CACNB4: variants seen among roughly 807,000 people sequenced by gnomAD.
CACNB4 encodes the protein calcium voltage-gated channel auxiliary subunit beta 4, also known as voltage-dependent L-type calcium channel subunit beta-4.
CACNB4 carries 32 observed loss-of-function variants against 71.2 expected under a neutral mutation model. The ratio of observed to expected loss-of-function variants is 0.45; its 90% CI spans 0.34 to 0.60. CACNB4 has a LOEUF of 0.60. Among genes scored for constraint, CACNB4 ranks in the 20% least tolerant of loss-of-function variants. The probability of loss-of-function intolerance (pLI) is 0.01; values close to 1 mark genes in which losing one functional copy is unlikely to be tolerated. For missense variants in CACNB4, 464 were observed against 647.9 expected (o/e 0.72, Z 3.08); for synonymous variants, 231 against 236.9 (o/e 0.97, Z 0.23).
chr2:152,015,726 T>C (rs1430623039), intron 2 of CACNB4, among the ~76,000 whole-genome samples: 2 of 152,222 alleles, frequency 1.3e-5, no homozygotes, highest in Admixed American at 6.5e-5. Flanking sequence ...AGAGCGAAGA[T>C]GACAGAGAGA....
intron 2 of CACNB4, among the ~76,000 whole-genome samples, chr2:152,057,561 C>T (rs185298964): frequency 6.6e-6 from 1 of 152,218 alleles, no homozygotes; most frequent in African/African-American, 2.4e-5. Flanking sequence ...AACTGAATAC[C>T]GGACATTTAG....
intron 2 of CACNB4, among the ~76,000 whole-genome samples, chr2:152,080,905 C>T (rs1687326384): frequency 6.6e-6 from 1 of 152,032 alleles, no homozygotes; most frequent in African/African-American, 2.4e-5. Flanking sequence ...CCCAATCTCG[C>T]CATGTGATAT....
intron 2 of CACNB4, among the ~76,000 whole-genome samples, chr2:151,884,357 C>T (rs570388963): frequency 1.4e-3 from 216 of 150,254 alleles, no homozygotes; most frequent in African/African-American, 5.1e-3. Flanking sequence ...GGCGCAGTGG[C>T]TCACGCCTGT....
intron 2 of CACNB4, among the ~76,000 whole-genome samples, chr2:151,900,263 A>G (rs2099853046): frequency 6.6e-6 from 1 of 152,228 alleles, no homozygotes; most frequent in African/African-American, 2.4e-5. Flanking sequence ...GAAACAAGGC[A>G]GTTCAGTGCT....
intron 2 of CACNB4, among the ~76,000 whole-genome samples, chr2:152,007,586 T>C (rs987343629): frequency 6.6e-6 from 1 of 152,238 alleles, no homozygotes; most frequent in Non-Finnish European, 1.5e-5. Flanking sequence ...TTCTGTTGTA[T>C]GTGTATCCTA....
chr2:151,930,126 G>C (rs2099861275), intron 2 of CACNB4, among the ~76,000 whole-genome samples: 1 of 152,084 alleles, frequency 6.6e-6, no homozygotes, highest in South Asian at 2.1e-4. Flanking sequence ...TACAGTAATT[G>C]AAACAGTTTA....
intron 2 of CACNB4, among the ~76,000 whole-genome samples, chr2:151,915,804 G>A (rs190781061): frequency 2.4e-4 from 35 of 147,290 alleles, no homozygotes; most frequent in South Asian, 2.1e-4. Flanking sequence ...CTGAGATTGC[G>A]CCATAGCACT....
intron 2 of CACNB4, among the ~76,000 whole-genome samples, chr2:151,920,314 TC>T (rs2099858658): frequency 9.8e-6 from 1 of 102,034 alleles, no homozygotes; most frequent in African/African-American, 3.8e-5. Flanking sequence ...TTCTTCTTCT[TC>T]TTCTTTTTTT....
chr2:152,003,832 T>TA (rs113971846), intron 2 of CACNB4, among the ~76,000 whole-genome samples: 3,724 of 144,272 alleles, frequency 0.026, 132 homozygotes, highest in African/African-American at 0.086. Context: ...GAGAAATTAA[T>TA]AAAAAAAAAA....
At chr2:151,904,945 T>C (rs1421229176) in intron 2 of CACNB4, among the ~76,000 whole-genome samples, 2 of 152,202 alleles carry the variant, frequency 1.3e-5, no homozygotes, top group Non-Finnish European at 2.9e-5. Flanking sequence ...CTATGCACTA[T>C]TGGGCAGTGA....
At chr2:151,917,322 A>G (rs1039322928) in intron 2 of CACNB4, among the ~76,000 whole-genome samples, 1 of 152,208 alleles carries the variant, frequency 6.6e-6, no homozygotes, top group South Asian at 2.1e-4. Context: ...TAATCCCTAT[A>G]TAAGACAGGT....
At chr2:152,005,233 G>A (rs991234471) in intron 2 of CACNB4, among the ~76,000 whole-genome samples, 5 of 152,156 alleles carry the variant, frequency 3.3e-5, no homozygotes, top group Admixed American at 6.5e-5. Flanking sequence ...TATGTTCATC[G>A]CAGTACTATT....
chr2:151,999,219 G>T lies in CACNB4; in HGVS notation c.147+99111C>A, dbSNP rs536329264. 3.3e-5 allele frequency among the ~76,000 whole-genome samples: 5 copies of T among 152,112 alleles called. No individual in the cohort carries two copies. In the East Asian group the frequency reaches 9.7e-4, roughly 29 times the overall value. ...CTTCTTCCCAGCTCCAGCCCAGAAC[G>T]GTGCTCCCCTTGGACAGTTCATGTC... On this transcript the variant is annotated intron_variant, in intron 2 of 13. Coordinates refer to ENST00000539935, the MANE Select transcript of CACNB4 (RefSeq NM_000726.5).
At chr2:152,008,173 G>C (rs10930880) in intron 2 of CACNB4, among the ~76,000 whole-genome samples, 150,017 of 152,186 alleles carry the variant, frequency 0.99, 73,992 homozygotes, top group Middle Eastern at 1. Flanking sequence ...TTCTCCACAT[G>C]CTTTCTAACA....
At position 152,098,731 on chromosome 2, in the gene CACNB4, G is replaced by T; in HGVS notation, c.63+218C>A. On this transcript the variant is annotated intron_variant, in intron 1 of 13. Transcript: ENST00000539935. The surrounding 1 kb of genome is among the most constrained non-coding windows in gnomAD (Gnocchi z 5.3). The stretch of plus-strand genomic sequence containing the variant: ...GCGGGCTCCGGAGCGGGAGCGCAGA[G>T]ACCCGAAGGAGGGTGAGGAGGAGGA... 1.9e-6 allele frequency: 3 copies of T among 1,543,960 alleles called. No homozygotes were observed. Among genetic ancestry groups the T allele is most frequent in the Non-Finnish European group, 2.6e-6 (3 of 1,141,568 alleles).
At chr2:152,025,347 G>A (rs538842245) in intron 2 of CACNB4, among the ~76,000 whole-genome samples, 7 of 152,200 alleles carry the variant, frequency 4.6e-5, no homozygotes, top group Non-Finnish European at 8.8e-5. Context: ...GGCGAGAGCT[G>A]GGGAACGGTG....
chr2:151,905,428 GACA>G (rs2099854544), intron 2 of CACNB4, among the ~76,000 whole-genome samples: 1 of 152,290 alleles, frequency 6.6e-6, no homozygotes, highest in South Asian at 2.1e-4. Flanking sequence ...TGCAGCAGAA[GACA>G]ACGATTCATA....
rs141674783 is a variant in CACNB4, at chr2:151,890,043, T to C, written c.148-6673A>G. 4.3e-3 allele frequency among the ~76,000 whole-genome samples: 649 copies of C among 152,340 alleles called. 2 individuals are homozygous for C. The highest frequency in any genetic ancestry group is 5.6e-3 in the Non-Finnish European group (382 of 68,042). On this transcript the variant is annotated intron_variant, in intron 2 of 13. Coordinates refer to ENST00000539935, the MANE Select transcript of CACNB4 (RefSeq NM_000726.5). ...TTTTTTGTTTTGTTTTGTTCTTTTTTTAATTACAGTCTTCAATGCCTTAAT... is the reference window on the plus strand; with the variant it reads ...TTTTTTGTTTTGTTTTGTTCTTTTTCTAATTACAGTCTTCAATGCCTTAAT...
rs190860217 is a variant in CACNB4 at position 152,070,233 on chromosome 2, G to C, written c.147+28097C>G. Among the ~76,000 whole-genome samples the C allele has an allele frequency of 2.0e-5, 3 of 152,250 alleles. No individual in the cohort carries two copies. The East Asian group carries it at 5.8e-4, about 29-fold the overall frequency. On this transcript the variant is annotated intron_variant, in intron 2 of 13. Coordinates refer to ENST00000539935, the MANE Select transcript of CACNB4 (RefSeq NM_000726.5). ...AAAAGTCAATCCAAAAATAAGAATT[G>C]ATTTTTCTGTGGGAGGTACAAACCA...
Sources: gnomAD v4.1 joint callset for allele counts (sites outside exome capture counted in the v4.1 genomes callset) on GRCh38, gnomAD v4.1.1 for gene constraint, Gnocchi (gnomAD v3.1) non-coding constraint, MANE v1.5 for transcripts, NCBI Gene and HGNC (gene_info 2026-07-23, HGNC 2026-07-21) for gene names.